MCTP1: variants seen among roughly 807,000 people sequenced by gnomAD.
The protein encoded by MCTP1 is multiple C2 and transmembrane domain containing 1, also known as multiple C2 and transmembrane domain-containing protein 1.
A neutral mutation model predicts 120.6 loss-of-function variants in MCTP1; 69 were observed. The ratio of observed to expected loss-of-function variants is 0.57; its 90% CI spans 0.47 to 0.70. The LOEUF (loss-of-function observed/expected upper bound fraction) is 0.70, where lower values mean the gene tolerates loss of function less well. Ranked by LOEUF, MCTP1 falls within the 30% of genes least tolerant of loss-of-function variation. The pLI, the probability that MCTP1 is intolerant of heterozygous loss-of-function variation, is 0.00. For synonymous variants in MCTP1, 529 were observed against 493.1 expected (o/e 1.07, Z -0.96); for missense variants, 1,203 against 1,248.8 (o/e 0.96, Z 0.55).
chr5:94,812,864 G>T, intron 17 of MCTP1, among the ~76,000 whole-genome samples: 1 of 151,012 alleles, frequency 6.6e-6, no homozygotes. Context: ...GGGTAAGCAA[G>T]GTATTTATTC....
chr5:94,981,814 A>G (rs1227645512), intron 2 of MCTP1, among the ~76,000 whole-genome samples: 3 of 152,196 alleles, frequency 2.0e-5, no homozygotes, highest in African/African-American at 7.2e-5. Context: ...CTAGTGGCCT[A>G]GAAAGTGAAT....
At chr5:94,839,248 G>A (rs541613913) in intron 17 of MCTP1, among the ~76,000 whole-genome samples, 81 of 152,126 alleles carry the variant, frequency 5.3e-4, no homozygotes, top group Non-Finnish European at 6.8e-4. Flanking sequence ...TTCTATCACC[G>A]CCAAGTTGAA....
At chr5:94,763,831 T>C (rs1771914681) in intron 19 of MCTP1, among the ~76,000 whole-genome samples, 1 of 152,148 alleles carries the variant, frequency 6.6e-6, no homozygotes, top group Non-Finnish European at 1.5e-5. Context: ...TTTTAAAACT[T>C]TCTGAGACTT....
chr5:95,272,373 G>A (rs1759477504), intron 1 of MCTP1, among the ~76,000 whole-genome samples: 1 of 152,132 alleles, frequency 6.6e-6, no homozygotes, highest in Non-Finnish European at 1.5e-5. Flanking sequence ...TAAGCCAGAG[G>A]GCAGAGAAGG....
chr5:95,268,895 AGGGTCTGTGGGTT>A (rs1212527853), intron 1 of MCTP1, among the ~76,000 whole-genome samples: 1 of 152,224 alleles, frequency 6.6e-6, no homozygotes, highest in Non-Finnish European at 1.5e-5. Flanking sequence ...TCGCTGGGTC[AGGGTCTGTGGGTT>A]GGACCCGGCA....
chr5:95,256,084 C>A (rs559879102), intron 1 of MCTP1, among the ~76,000 whole-genome samples: 4 of 152,264 alleles, frequency 2.6e-5, no homozygotes, highest in African/African-American at 9.6e-5. Flanking sequence ...ACGGGGAGAA[C>A]CCTAGCTTGA....
chr5:94,712,261 A>T (rs1040322991), intron 20 of MCTP1, among the ~76,000 whole-genome samples: 1 of 152,164 alleles, frequency 6.6e-6, no homozygotes, highest in Non-Finnish European at 1.5e-5. Flanking sequence ...TGAAATTATT[A>T]GAACTAATCA....
intron 1 of MCTP1, among the ~76,000 whole-genome samples, chr5:95,086,506 A>G (rs1261916387): frequency 6.6e-6 from 1 of 152,244 alleles, no homozygotes; most frequent in Non-Finnish European, 1.5e-5. Flanking sequence ...ATAACCTTGC[A>G]TCCCAAAGAT....
intron 1 of MCTP1, among the ~76,000 whole-genome samples, chr5:95,206,783 C>A (rs1023003826): frequency 6.6e-6 from 1 of 152,100 alleles, no homozygotes; most frequent in African/African-American, 2.4e-5. Context: ...TGATCCACCC[C>A]CCTCGGCCTC....
At chr5:95,121,226 A>C (rs1758208821) in intron 1 of MCTP1, among the ~76,000 whole-genome samples, 1 of 142,738 alleles carries the variant, frequency 7.0e-6, no homozygotes, top group African/African-American at 2.6e-5. Context: ...TGCAGTGAGC[A>C]GAGATCATGC....
intron 1 of MCTP1, among the ~76,000 whole-genome samples, chr5:95,041,172 C>G (rs1581985626): frequency 6.6e-6 from 1 of 151,332 alleles, no homozygotes; most frequent in East Asian, 1.9e-4. Flanking sequence ...CACAACAAAC[C>G]TAAGAAATAA....
intron 1 of MCTP1, among the ~76,000 whole-genome samples, chr5:95,246,634 C>G (rs1321952104): frequency 2.0e-5 from 3 of 152,080 alleles, no homozygotes; most frequent in Non-Finnish European, 4.4e-5. Context: ...TATATGCACC[C>G]AATACAGGAG....
At chr5:95,077,202 G>A (rs1753788572) in intron 1 of MCTP1, among the ~76,000 whole-genome samples, 1 of 152,100 alleles carries the variant, frequency 6.6e-6, no homozygotes, top group South Asian at 2.1e-4. Context: ...ATTTAAAAAT[G>A]ATCTTAAGAG....
At chr5:95,125,262 A>G (rs920561330) in intron 1 of MCTP1, among the ~76,000 whole-genome samples, 1 of 152,192 alleles carries the variant, frequency 6.6e-6, no homozygotes, top group African/African-American at 2.4e-5. Context: ...ATTCAAGTAT[A>G]TATTTGTTAA....
intron 1 of MCTP1, among the ~76,000 whole-genome samples, chr5:95,164,753 C>T (rs1746127941): frequency 6.6e-6 from 1 of 152,060 alleles, no homozygotes. Flanking sequence ...AATTTGATGA[C>T]CTTTTAATAT....
chr5:95,281,819 A>C (rs1225537503), intron 1 of MCTP1, among the ~76,000 whole-genome samples: 2 of 152,246 alleles, frequency 1.3e-5, no homozygotes, highest in Non-Finnish European at 2.9e-5. Flanking sequence ...TTGATTGTAT[A>C]TAGGGATGGG....
At chr5:95,071,789 G>A (rs1344217551) in intron 1 of MCTP1, among the ~76,000 whole-genome samples, 1 of 152,084 alleles carries the variant, frequency 6.6e-6, no homozygotes, top group Admixed American at 6.5e-5. Flanking sequence ...AACCAGAATG[G>A]CACTCATACT....
intron 19 of MCTP1, among the ~76,000 whole-genome samples, chr5:94,774,207 CAAAAAAAAAA>C (rs70978130): frequency 7.2e-4 from 3 of 4,182 alleles, no homozygotes; most frequent in South Asian, 0.05. Context: ...GACTCCGTCT[CAAAAAAAAAA>C]AAAAAAAAAA....
At chr5:95,010,248 C>A (rs1317854796) in intron 2 of MCTP1, among the ~76,000 whole-genome samples, 1 of 152,030 alleles carries the variant, frequency 6.6e-6, no homozygotes, top group Non-Finnish European at 1.5e-5. Context: ...TCCCTTCATC[C>A]AATTGATCTC....
Sources: gnomAD v4.1 joint callset for allele counts (sites outside exome capture counted in the v4.1 genomes callset) on GRCh38, gnomAD v4.1.1 for gene constraint, MANE v1.5 for transcripts, NCBI Gene and HGNC (gene_info 2026-07-23, HGNC 2026-07-21) for gene names.